Variants in CCNY observed in about 807,000 individuals in gnomAD.
CCNY encodes the protein cyclin Y.
CCNY carries 19 observed loss-of-function variants against 42.8 expected under a neutral mutation model. The ratio of observed to expected loss-of-function variants is 0.44; its 90% CI spans 0.31 to 0.65. The LOEUF (loss-of-function observed/expected upper bound fraction) is 0.65, where lower values mean the gene tolerates loss of function less well. Ranked by LOEUF, CCNY falls within the 30% of genes least tolerant of loss-of-function variation. The pLI is 0.07. For missense variants in CCNY, 370 were observed against 437.3 expected (o/e 0.85, Z 1.37); for synonymous variants, 165 against 162.7 (o/e 1.01, Z -0.11).
At chr10:35,489,559 C>G (rs760687118) in intron 2 of CCNY, among the ~76,000 whole-genome samples, 8 of 152,050 alleles carry the variant, frequency 5.3e-5, no homozygotes, top group Non-Finnish European at 7.4e-5. Context: ...CCCAGCCAAG[C>G]CTTTGTTTTT....
At chr10:35,524,720 A>T (rs1335473098) in intron 4 of CCNY, among the ~76,000 whole-genome samples, 1 of 152,254 alleles carries the variant, frequency 6.6e-6, no homozygotes, top group Non-Finnish European at 1.5e-5. Context: ...ATTGTCCAGA[A>T]CATGAATAAC....
intron 1 of CCNY, among the ~76,000 whole-genome samples, chr10:35,428,809 G>A (rs929314976): frequency 3.9e-5 from 6 of 152,258 alleles, no homozygotes; most frequent in East Asian, 1.9e-4. Context: ...TGGGTGCTGC[G>A]TTCTGGTTTG....
At chr10:35,384,682 A>G (rs1005130289) in intron 1 of CCNY, among the ~76,000 whole-genome samples, 2 of 151,796 alleles carry the variant, frequency 1.3e-5, no homozygotes, top group Admixed American at 1.3e-4. Flanking sequence ...GGGTCTATAC[A>G]CTCATGTGTG....
intron 3 of CCNY, among the ~76,000 whole-genome samples, chr10:35,511,812 T>C (rs770331260): frequency 6.6e-6 from 1 of 152,088 alleles, no homozygotes; most frequent in Non-Finnish European, 1.5e-5. Context: ...TATGTCCAAG[T>C]GTGGTGTGCA....
chr10:35,340,427 A>C (rs1393172663), intron 1 of CCNY, among the ~76,000 whole-genome samples: 1 of 152,154 alleles, frequency 6.6e-6, no homozygotes, highest in African/African-American at 2.4e-5. Flanking sequence ...AGACCAAATA[A>C]ATCAGGATAC....
rs1589181265 is a variant in CCNY, at chr10:35,526,003, T to C, written c.401+4T>C. On this transcript the variant is annotated splice_donor_region_variant and intron_variant, in intron 5 of 9. Transcript: ENST00000374704. The stretch of plus-strand genomic sequence containing the variant: ...TATATTATCACATCAAAAACAGGTA[T>C]GTGGATGGTTGTGTGCTAAAAACAT... 1 of 1,609,234 alleles carries C rather than the reference T, an allele frequency of 6.2e-7. No individual in the cohort carries two copies.
At chr10:35,385,530 A>T (rs1837284212) in intron 1 of CCNY, among the ~76,000 whole-genome samples, 1 of 152,222 alleles carries the variant, frequency 6.6e-6, no homozygotes, top group South Asian at 2.1e-4. Context: ...GCAAATTTTA[A>T]TTAACACATG....
intron 1 of CCNY, among the ~76,000 whole-genome samples, chr10:35,462,554 G>A (rs966424184): frequency 2.0e-5 from 3 of 152,208 alleles, no homozygotes; most frequent in Non-Finnish European, 2.9e-5. Flanking sequence ...AACAGGAAGC[G>A]ATTGAACTTT....
chr10:35,398,960 G>A (rs964200359), intron 1 of CCNY, among the ~76,000 whole-genome samples: 5 of 152,170 alleles, frequency 3.3e-5, no homozygotes, highest in African/African-American at 1.2e-4. Flanking sequence ...TCAGACATAC[G>A]CCGTGCTTGC....
chr10:35,417,878 C>G (rs997189316), intron 1 of CCNY, among the ~76,000 whole-genome samples: 3 of 152,170 alleles, frequency 2.0e-5, no homozygotes, highest in Non-Finnish European at 4.4e-5. Context: ...AGGAATAGTT[C>G]ACCTCTCTAG....
At chr10:35,503,709 T>C (rs531035557) in intron 3 of CCNY, among the ~76,000 whole-genome samples, 5 of 152,310 alleles carry the variant, frequency 3.3e-5, no homozygotes, top group Non-Finnish European at 5.9e-5. Context: ...ATGGCCATGC[T>C]AGGTAGGCAC....
intron 3 of CCNY, among the ~76,000 whole-genome samples, chr10:35,326,384 C>G (rs1835880639): frequency 6.6e-6 from 1 of 152,152 alleles, no homozygotes; most frequent in African/African-American, 2.4e-5. Flanking sequence ...AATGAAACGG[C>G]AGGGCGCTCA....
At chr10:35,477,199 A>G (rs912451573) in intron 1 of CCNY, among the ~76,000 whole-genome samples, 1 of 152,210 alleles carries the variant, frequency 6.6e-6, no homozygotes, top group African/African-American at 2.4e-5. Flanking sequence ...GCCAAATTCT[A>G]CCAGAGGTAC....
chr10:35,295,413 G>T (rs190137399), intron 3 of CCNY, among the ~76,000 whole-genome samples: 3 of 151,892 alleles, frequency 2.0e-5, no homozygotes, highest in African/African-American at 7.2e-5. Context: ...GTATTTTTTA[G>T]CAGAGACAGG....
intron 3 of CCNY, among the ~76,000 whole-genome samples, chr10:35,312,330 G>A (rs559436827): frequency 5.1e-5 from 7 of 138,130 alleles, no homozygotes; most frequent in African/African-American, 1.9e-4. Flanking sequence ...GCAGTGAGCC[G>A]AGATTGCGCC....
At chr10:35,262,322 CATTTTATTTTATTTT>C (rs144902785) in intron 3 of CCNY, among the ~76,000 whole-genome samples, 1,777 of 110,414 alleles carry the variant, frequency 0.016, 46 homozygotes, top group African/African-American at 0.055. Flanking sequence ...CAACATGAGT[CATTTTATTTTATTTT>C]ATTTTATTTT....
chr10:35,353,851 G>A (rs1025120092), intron 1 of CCNY, among the ~76,000 whole-genome samples: 5 of 152,224 alleles, frequency 3.3e-5, no homozygotes, highest in Admixed American at 2.6e-4. Flanking sequence ...CCAACATTTA[G>A]TAACTTAAAA....
intron 1 of CCNY, among the ~76,000 whole-genome samples, chr10:35,377,386 T>G (rs1356304874): frequency 6.6e-6 from 1 of 152,224 alleles, no homozygotes; most frequent in Non-Finnish European, 1.5e-5. Context: ...GATACACAAG[T>G]ACTTAGCATT....
rs1841344768 is a variant in CCNY, at chr10:35,555,455, A to C, written c.746+2270A>C. Among the ~76,000 whole-genome samples the C allele has an allele frequency of 2.0e-5, 3 of 152,248 alleles. No homozygotes were observed. In the South Asian group the frequency reaches 6.2e-4, roughly 31 times the overall value. On this transcript the variant is annotated intron_variant, in intron 8 of 9. Transcript: ENST00000374704. ...AGTCAGTAAAACCCAATTACCAGGA[A>C]TATTTATAATCACAATAACAACAAC...
Sources: allele counts gnomAD v4.1 joint callset (sites outside exome capture counted in the v4.1 genomes callset), GRCh38; gene constraint gnomAD v4.1.1; transcripts MANE v1.5; gene names NCBI Gene and HGNC (gene_info 2026-07-23, HGNC 2026-07-21).